The following CCDC91 variants were observed in gnomAD, a reference collection of about 807,000 sequenced individuals.
The protein encoded by CCDC91 is coiled-coil domain containing 91.
In CCDC91, 48 loss-of-function variants were observed where a neutral mutation model predicts 63.2. That is an observed-to-expected ratio of 0.76 (90% CI 0.60 to 0.97). The LOEUF is 0.97. Ranked by LOEUF, CCDC91 falls within the 50% of genes least tolerant of loss-of-function variation. The pLI, the probability that CCDC91 is intolerant of heterozygous loss-of-function variation, is 0.00. For missense variants in CCDC91, 500 were observed against 494.6 expected (o/e 1.01, Z -0.10); for synonymous variants, 167 against 165.8 (o/e 1.01, Z -0.06).
rs114314260 is a variant in CCDC91, at chr12:28,354,185, C to T, written c.577-8253C>T. On this transcript the variant is annotated intron_variant, in intron 6 of 12. Transcript: ENST00000536442. Reference sequence around the variant, plus strand: ...ACAGTTTTAAAAATCAACATCTTGGCAGGGTCATACTGCCTCCAAATGATC... The same window carrying T: ...ACAGTTTTAAAAATCAACATCTTGGTAGGGTCATACTGCCTCCAAATGATC... 6.5e-3 allele frequency among the ~76,000 whole-genome samples: 995 copies of T among 152,268 alleles called. 14 individuals are homozygous for T. Among genetic ancestry groups the T allele is most frequent in the African/African-American group, 0.023 (971 of 41,558 alleles).
intron 3 of CCDC91, among the ~76,000 whole-genome samples, chr12:28,273,174 C>A (rs1358055167): frequency 3.3e-5 from 5 of 152,072 alleles, no homozygotes; most frequent in East Asian, 1.9e-4. Flanking sequence ...TGAACTCATC[C>A]TTTTTTATGG....
At chr12:28,374,789 G>A (rs1227411672) in intron 7 of CCDC91, among the ~76,000 whole-genome samples, 2 of 152,076 alleles carry the variant, frequency 1.3e-5, no homozygotes, top group African/African-American at 4.8e-5. Context: ...CTTATTTTGA[G>A]TATGTAACTC....
intron 8 of CCDC91, among the ~76,000 whole-genome samples, chr12:28,416,649 T>C (rs1401196875): frequency 1.3e-5 from 2 of 151,976 alleles, no homozygotes; most frequent in Non-Finnish European, 2.9e-5. Context: ...TTTGATGAGA[T>C]ATCAAGAAAG....
At chr12:28,523,582 T>G (rs1940956954) in intron 12 of CCDC91, among the ~76,000 whole-genome samples, 1 of 152,184 alleles carries the variant, frequency 6.6e-6, no homozygotes, top group East Asian at 1.9e-4. Context: ...ACATTTAAGG[T>G]TAATATTGTT....
intron 1 of CCDC91, among the ~76,000 whole-genome samples, chr12:28,245,894 A>G (rs1447439502): frequency 3.3e-5 from 5 of 152,102 alleles, no homozygotes; most frequent in Admixed American, 1.3e-4. Flanking sequence ...TTACAACCCA[A>G]TTATTTTACT....
At chr12:28,508,983 C>G (rs1939062528) in intron 12 of CCDC91, among the ~76,000 whole-genome samples, 1 of 151,924 alleles carries the variant, frequency 6.6e-6, no homozygotes, top group Non-Finnish European at 1.5e-5. Context: ...CTTCAATAGG[C>G]CATTCCATCA....
At chr12:28,195,215 T>G (rs1017234972) in intron 1 of CCDC91, among the ~76,000 whole-genome samples, 1 of 152,118 alleles carries the variant, frequency 6.6e-6, no homozygotes, top group African/African-American at 2.4e-5. Flanking sequence ...TTACAAACCT[T>G]TAGCTAGACA....
chr12:28,497,466 G>C (rs1315678337), intron 12 of CCDC91, among the ~76,000 whole-genome samples: 2 of 151,470 alleles, frequency 1.3e-5, no homozygotes, highest in African/African-American at 2.4e-5. Context: ...TGATGTTCTG[G>C]TTGTTAGAGA....
At chr12:28,407,956 A>ATTT (rs1565925661) in intron 8 of CCDC91, among the ~76,000 whole-genome samples, 1 of 106,916 alleles carries the variant, frequency 9.4e-6, no homozygotes, top group East Asian at 5.6e-4. Context: ...ATATACATAT[A>ATTT]TATATATATT....
chr12:28,486,433 T>C (rs1410158358), intron 12 of CCDC91, among the ~76,000 whole-genome samples: 1 of 152,190 alleles, frequency 6.6e-6, no homozygotes, highest in Non-Finnish European at 1.5e-5. Flanking sequence ...TAATAGTATA[T>C]GGCCAATCTT....
In CCDC91 at chr12:28,503,649, A is replaced by G. The variant is rs190230293; in HGVS notation, c.1215+19484A>G. ...ACACATGCACACGTATGTTTATTGC[A>G]GCACTATTCACAGTAGCAAAGACTT... On this transcript the variant is annotated intron_variant, in intron 12 of 12. Transcript: ENST00000536442. Among the ~76,000 whole-genome samples the G allele has an allele frequency of 4.8e-3, 730 of 152,288 alleles. 8 individuals carry two copies. The highest frequency in any genetic ancestry group is 0.015 in the African/African-American group (613 of 41,578).
At chr12:28,268,870 A>C (rs1463163822) in intron 3 of CCDC91, among the ~76,000 whole-genome samples, 1 of 152,302 alleles carries the variant, frequency 6.6e-6, no homozygotes, top group East Asian at 1.9e-4. Flanking sequence ...TGAATCAAAC[A>C]GAATAACCTC....
chr12:28,480,520 T>C (rs1951387988), intron 11 of CCDC91, among the ~76,000 whole-genome samples: 1 of 151,988 alleles, frequency 6.6e-6, no homozygotes, highest in Non-Finnish European at 1.5e-5. Context: ...TTAGGACATA[T>C]TTGACAAATG....
chr12:28,239,130 A>G (rs1945164553), intron 1 of CCDC91, among the ~76,000 whole-genome samples: 1 of 151,962 alleles, frequency 6.6e-6, no homozygotes, highest in African/African-American at 2.4e-5. Flanking sequence ...GGAAAAAAAA[A>G]AAAAATATAT....
At chr12:28,379,643 A>C (rs1945166922) in intron 7 of CCDC91, among the ~76,000 whole-genome samples, 1 of 151,892 alleles carries the variant, frequency 6.6e-6, no homozygotes, top group Admixed American at 6.6e-5. Flanking sequence ...GCAGTCATTA[A>C]AAAGGAAACA....
intron 6 of CCDC91, among the ~76,000 whole-genome samples, chr12:28,332,732 A>C (rs1462733584): frequency 6.6e-6 from 1 of 152,046 alleles, no homozygotes; most frequent in Non-Finnish European, 1.5e-5. Context: ...TCAGTATACA[A>C]CCTTGTTTTA....
At chr12:28,215,855 C>T (rs1565623153) in intron 1 of CCDC91, among the ~76,000 whole-genome samples, 1 of 152,022 alleles carries the variant, frequency 6.6e-6, no homozygotes, top group Non-Finnish European at 1.5e-5. Context: ...ATTTTCACCA[C>T]AATGCCATTT....
intron 7 of CCDC91, among the ~76,000 whole-genome samples, chr12:28,383,319 A>T (rs1945405934): frequency 6.6e-6 from 1 of 152,186 alleles, no homozygotes; most frequent in Non-Finnish European, 1.5e-5. Context: ...ACACAGAAAA[A>T]TCTGAGATTC....
intron 8 of CCDC91, among the ~76,000 whole-genome samples, chr12:28,443,785 A>G (rs538022861): frequency 9.8e-5 from 15 of 152,316 alleles, no homozygotes; most frequent in Middle Eastern, 3.4e-3. Flanking sequence ...TTATACTTGT[A>G]CAAAATAGAA....
Sources: allele counts gnomAD v4.1 joint callset (sites outside exome capture counted in the v4.1 genomes callset), GRCh38; gene constraint gnomAD v4.1.1; transcripts MANE v1.5; gene names NCBI Gene and HGNC (gene_info 2026-07-23, HGNC 2026-07-21).